RBM18: variants seen among roughly 807,000 people sequenced by gnomAD.
The protein encoded by RBM18 is probable RNA-binding protein 18.
RBM18 carries 18 observed loss-of-function variants against 26.4 expected under a neutral mutation model. The ratio of observed to expected loss-of-function variants is 0.68; its 90% CI spans 0.47 to 1.01. RBM18 has a LOEUF of 1.01. Ranked by LOEUF, RBM18 falls within the 50% of genes least tolerant of loss-of-function variation. The probability of loss-of-function intolerance (pLI) is 0.00; values close to 1 mark genes in which losing one functional copy is unlikely to be tolerated. For synonymous variants in RBM18, 74 were observed against 81.1 expected, an observed-to-expected ratio of 0.91 and a Z score of 0.47; for missense variants, 180 against 219.2, an observed-to-expected ratio of 0.82 and a Z score of 1.13.
At chr9:122,247,695 G>A (rs1159461286) in intron 3 of RBM18, 91 bp from the exon 4 acceptor site, 2 of 940,950 alleles carry the variant, frequency 2.1e-6, no homozygotes, top group East Asian at 5.2e-5. Flanking sequence ...TTTGATGGCT[G>A]AGTTTCTAAC....
intron 2 of RBM18, among the ~76,000 whole-genome samples, chr9:122,253,005 C>A (rs1000177950): frequency 6.6e-6 from 1 of 152,146 alleles, no homozygotes; most frequent in South Asian, 2.1e-4. Flanking sequence ...TTTGGCCTTC[C>A]TCCTGGCATC....
intron 3 of RBM18, among the ~76,000 whole-genome samples, chr9:122,248,034 C>T (rs1831533521): frequency 6.6e-6 from 1 of 152,096 alleles, no homozygotes; most frequent in African/African-American, 2.4e-5. Flanking sequence ...GATCCGCCCC[C>T]TCGGCTTCCC....
intron 4 of RBM18, among the ~76,000 whole-genome samples, chr9:122,245,981 G>A (rs1831500110): frequency 6.6e-6 from 1 of 152,090 alleles, no homozygotes; most frequent in Non-Finnish European, 1.5e-5. Context: ...GACACAGCCA[G>A]ACCCTATCTC....
intron 2 of RBM18, chr9:122,254,312 T>C (rs1300163898): frequency 1.0e-6 from 1 of 965,034 alleles, no homozygotes; most frequent in Admixed American, 6.2e-5. Context: ...TTTGTGTCTT[T>C]CAACTTCTCC....
chr9:122,241,488 A>G lies in RBM18; in HGVS notation c.*396T>C, dbSNP rs56020220. The G allele has an allele frequency of 0.068, 10,487 of 155,090 alleles. 603 individuals are homozygous for G. The highest frequency in any genetic ancestry group is 0.15 in the African/African-American group (6,418 of 41,620). 9.6% of individuals were successfully genotyped at this position (155,090 alleles called of 1,614,324 possible). A position where few individuals can be genotyped will look rare whatever the true frequency, so the allele number is the denominator to read the frequency against. ...GCCTTTTACTTTTTCTTTATGTTGTAAAAGACACACGAGCGTAGAAAAATG... is the reference window on the plus strand; with the variant it reads ...GCCTTTTACTTTTTCTTTATGTTGTGAAAGACACACGAGCGTAGAAAAATG... On this transcript the variant is annotated 3_prime_UTR_variant, in exon 6 of 6. Transcript: ENST00000417201.
intron 5 of RBM18, 105 bp downstream of exon 5, chr9:122,245,151 A>C: frequency 1.4e-6 from 1 of 708,724 alleles, no homozygotes; most frequent in Admixed American, 2.3e-5. Context: ...CAAGTTAATA[A>C]ATTCTAAGAG....
rs1189262655 is a variant in RBM18, at chr9:122,239,397, T to C, written c.*2487A>G. 6.6e-6 allele frequency: 1 copy of C among 152,200 alleles called. No individual in the cohort carries two copies. Among genetic ancestry groups the C allele is most frequent in the African/African-American group, 2.4e-5 (1 of 41,444 alleles). 9.4% of individuals were successfully genotyped at this position (152,200 alleles called of 1,614,324 possible). A position where few individuals can be genotyped will look rare whatever the true frequency, so the allele number is the denominator to read the frequency against. Reference sequence around the variant, plus strand: ...CTCCCCAGTACTAAGATACCAATTATAGAAAATCAACTGGTTAGGATTACA... The same window carrying C: ...CTCCCCAGTACTAAGATACCAATTACAGAAAATCAACTGGTTAGGATTACA... On this transcript the variant is annotated 3_prime_UTR_variant, in exon 6 of 6. Coordinates refer to ENST00000417201, the MANE Select transcript of RBM18 (RefSeq NM_033117.4).
intron 2 of RBM18, among the ~76,000 whole-genome samples, chr9:122,253,753 C>T (rs1419241665): frequency 2.0e-5 from 3 of 150,970 alleles, no homozygotes; most frequent in African/African-American, 7.3e-5. Context: ...AGGCCAGGCG[C>T]AGTGGCTCAC....
intron 2 of RBM18, among the ~76,000 whole-genome samples, chr9:122,258,847 G>A (rs1290572289): frequency 7.3e-6 from 1 of 137,830 alleles, no homozygotes; most frequent in South Asian, 2.3e-4. Context: ...CTACCCAGGA[G>A]TTCTAGGTTG....
chr9:122,252,004 T>C, intron 2 of RBM18, 31 bp from the exon 3 acceptor site: 1 of 1,609,320 alleles, frequency 6.2e-7, no homozygotes, highest in South Asian at 1.1e-5. Context: ...ATGAGTATGC[T>C]CTGGGAATTC....
chr9:122,261,096 G>A (rs962550514), intron 2 of RBM18, among the ~76,000 whole-genome samples: 1 of 151,934 alleles, frequency 6.6e-6, no homozygotes, highest in African/African-American at 2.4e-5. Context: ...AGAGCTACTA[G>A]GTACAAGGAT....
intron 2 of RBM18, among the ~76,000 whole-genome samples, chr9:122,258,930 GA>G (rs1227575668): frequency 7.0e-6 from 1 of 142,016 alleles, no homozygotes; most frequent in African/African-American, 2.6e-5. Flanking sequence ...AAAAAAAGAA[GA>G]AGAAGAAAAA....
At position 122,241,721 on chromosome 9, in the gene RBM18, G is replaced by T; in HGVS notation, c.*163C>A. On this transcript the variant is annotated 3_prime_UTR_variant, in exon 6 of 6. Transcript: ENST00000417201. ...GATGCTCAATTCCATACATAGTTTA[G>T]GGAAGAAACATCCATAAGAACATCC... The T allele has an allele frequency of 1.7e-6, 1 of 597,812 alleles. No individual in the cohort carries two copies. The allele number at this position is 597,812 out of a possible 1,614,324, so 37.0% of individuals were successfully genotyped here. A position where few individuals can be genotyped will look rare whatever the true frequency, so the allele number is the denominator to read the frequency against.
Position 122,240,479 on chromosome 9 carries a change from A to G in RBM18, c.*1405T>C, listed in dbSNP as rs1429411000. The G allele has an allele frequency of 6.6e-6, 1 of 152,238 alleles. No individual in the cohort carries two copies. The highest frequency in any genetic ancestry group is 6.5e-5 in the Admixed American group (1 of 15,282). The allele number at this position is 152,238 out of a possible 1,614,324, so 9.4% of individuals were successfully genotyped here. A position where few individuals can be genotyped will look rare whatever the true frequency, so the allele number is the denominator to read the frequency against. On this transcript the variant is annotated 3_prime_UTR_variant, in exon 6 of 6. Transcript: ENST00000417201. ...ATTCAAATGTCTTAAATTCATTTAT[A>G]CTCATGGGAAGATGTTAAGTTCCTA...
chr9:122,243,758 GC>G, intron 5 of RBM18: 1 of 985,302 alleles, frequency 1.0e-6, no homozygotes, highest in Non-Finnish European at 1.2e-6. Context: ...ATGCATTCTG[GC>G]CCCTCTTCCA....
chr9:122,258,908 C>CAAAAAAA (rs11453707), intron 2 of RBM18, among the ~76,000 whole-genome samples: 7 of 109,272 alleles, frequency 6.4e-5, no homozygotes, highest in Admixed American at 2.0e-4. Flanking sequence ...ACAGAGCTGT[C>CAAAAAAA]AAAAAAAAAA....
Position 122,240,912 on chromosome 9 carries a change from T to C in RBM18, c.*972A>G, listed in dbSNP as rs964760629. ...CCTCTCCTCGTCCTGCACAAGATAA[T>C]GCAATCTCTTCCACTTAGACCGCTA... On this transcript the variant is annotated 3_prime_UTR_variant, in exon 6 of 6. Transcript: ENST00000417201. 6.6e-6 allele frequency: 1 copy of C among 152,218 alleles called. No homozygotes were observed. The highest frequency in any genetic ancestry group is 1.5e-5 in the Non-Finnish European group (1 of 68,046). The allele number at this position is 152,218 out of a possible 1,614,324, so 9.4% of individuals were successfully genotyped here. A position where few individuals can be genotyped will look rare whatever the true frequency, so the allele number is the denominator to read the frequency against.
chr9:122,260,341 C>T (rs1431732216), intron 2 of RBM18, among the ~76,000 whole-genome samples: 6 of 152,038 alleles, frequency 3.9e-5, no homozygotes, highest in Non-Finnish European at 7.4e-5. Flanking sequence ...GCAAGACTGT[C>T]TTAAAAACAA....
At chr9:122,263,823 G>A (rs1175723421) in intron 1 of RBM18, among the ~76,000 whole-genome samples, 1 of 152,164 alleles carries the variant, frequency 6.6e-6, no homozygotes, top group Non-Finnish European at 1.5e-5. Context: ...TGTTTTACTG[G>A]TAAGAGTGCA....
Sources: gnomAD v4.1 joint callset for allele counts (sites outside exome capture counted in the v4.1 genomes callset) on GRCh38, gnomAD v4.1.1 for gene constraint, MANE v1.5 for transcripts, NCBI Gene and HGNC (gene_info 2026-07-23, HGNC 2026-07-21) for gene names.